Variants in ARHGAP15 observed in about 807,000 individuals in gnomAD.
The protein encoded by ARHGAP15 is rho GTPase-activating protein 15.
In ARHGAP15, 51 loss-of-function variants were observed where a neutral mutation model predicts 63.7. The observed-to-expected ratio is 0.80, with a 90% CI of 0.64 to 1.01. ARHGAP15 has a LOEUF of 1.01. Ranked by LOEUF, ARHGAP15 falls within the 50% of genes least tolerant of loss-of-function variation. The pLI is 0.00. For missense variants in ARHGAP15, 560 were observed against 564.6 expected, an observed-to-expected ratio of 0.99 and a Z score of 0.08; for synonymous variants, 191 against 193.8, an observed-to-expected ratio of 0.99 and a Z score of 0.12.
At chr2:143,767,959 G>A (rs930740335) in intron 13 of ARHGAP15, 30 bp from the exon 14 acceptor site, 1 of 1,597,896 alleles carries the variant, frequency 6.3e-7, no homozygotes, top group African/African-American at 1.4e-5. Context: ...AAACTCCAGT[G>A]AAATTATTTT....
At chr2:143,206,197 T>G (rs16858839) in intron 3 of ARHGAP15, among the ~76,000 whole-genome samples, 1,721 of 152,216 alleles carry the variant, frequency 0.011, 30 homozygotes, top group African/African-American at 0.039. Context: ...ATTTCATAGG[T>G]AATAGACTTG....
chr2:143,522,495 C>T (rs566321875), intron 10 of ARHGAP15, among the ~76,000 whole-genome samples: 145 of 152,154 alleles, frequency 9.5e-4, no homozygotes, highest in South Asian at 4.1e-4. Flanking sequence ...TATTAAAACA[C>T]GGTTCTGCTA....
At chr2:143,632,402 G>T (rs777201261) in intron 12 of ARHGAP15, among the ~76,000 whole-genome samples, 1 of 151,776 alleles carries the variant, frequency 6.6e-6, no homozygotes, top group East Asian at 1.9e-4. Flanking sequence ...TAGGCAAGTC[G>T]GTGCTAAATT....
chr2:143,486,756 G>C (rs1040721100), intron 8 of ARHGAP15, among the ~76,000 whole-genome samples: 7 of 152,144 alleles, frequency 4.6e-5, no homozygotes, highest in Middle Eastern at 3.2e-3. Context: ...AGATAAATCT[G>C]AGAATAGGAA....
At chr2:143,248,612 C>G (rs1196930712) in intron 5 of ARHGAP15, among the ~76,000 whole-genome samples, 1 of 152,114 alleles carries the variant, frequency 6.6e-6, no homozygotes, top group Non-Finnish European at 1.5e-5. Context: ...GATGATAATA[C>G]CTACCTCATA....
intron 6 of ARHGAP15, among the ~76,000 whole-genome samples, chr2:143,263,294 T>A (rs889247247): frequency 2.0e-5 from 3 of 152,136 alleles, no homozygotes; most frequent in Admixed American, 6.6e-5. Context: ...CTTAAAGATC[T>A]GGAATGGTAG....
intron 6 of ARHGAP15, among the ~76,000 whole-genome samples, chr2:143,283,001 C>T (rs768541386): frequency 2.0e-5 from 3 of 152,056 alleles, no homozygotes; most frequent in South Asian, 2.1e-4. Context: ...CATTGTTTTC[C>T]GTGAAAGCTA....
intron 3 of ARHGAP15, among the ~76,000 whole-genome samples, chr2:143,205,255 TAAAAAAA>T (rs71301732): frequency 1.2e-5 from 1 of 85,462 alleles, no homozygotes. Context: ...CAGAGAGAGA[TAAAAAAA>T]AAAAAAAAAA....
At chr2:143,674,706 T>G (rs12474782) in intron 12 of ARHGAP15, among the ~76,000 whole-genome samples, 1 of 152,230 alleles carries the variant, frequency 6.6e-6, no homozygotes, top group African/African-American at 2.4e-5. Context: ...TACTATACTG[T>G]AGTCCATTAA....
At chr2:143,472,069 G>A (rs1691603207) in intron 8 of ARHGAP15, 1 of 152,038 alleles carries the variant, frequency 6.6e-6, no homozygotes, top group Non-Finnish European at 1.5e-5. Flanking sequence ...TGTAAAAGAT[G>A]TTTCAGCTGT....
At chr2:143,586,289 T>C (rs1697104935) in intron 11 of ARHGAP15, among the ~76,000 whole-genome samples, 1 of 152,172 alleles carries the variant, frequency 6.6e-6, no homozygotes, top group African/African-American at 2.4e-5. Context: ...TGTGTCACTT[T>C]AGTAAGGAAA....
chr2:143,297,395 A>G (rs1377400287), intron 6 of ARHGAP15, among the ~76,000 whole-genome samples: 2 of 152,028 alleles, frequency 1.3e-5, no homozygotes, highest in African/African-American at 2.4e-5. Context: ...ACCTTCCTGT[A>G]GCAGCCCACA....
At chr2:143,575,664 CTCT>C (rs1204397553) in intron 11 of ARHGAP15, among the ~76,000 whole-genome samples, 5 of 152,228 alleles carry the variant, frequency 3.3e-5, no homozygotes, top group African/African-American at 1.2e-4. Context: ...GGGCACATTA[CTCT>C]TCTTAGCGAC....
At chr2:143,207,495 AACACACACAC>A (rs70982851) in intron 3 of ARHGAP15, among the ~76,000 whole-genome samples, 7 of 145,858 alleles carry the variant, frequency 4.8e-5, no homozygotes, top group African/African-American at 1.5e-4. Flanking sequence ...CACACACATA[AACACACACAC>A]ACACACACAC....
In ARHGAP15 at chr2:143,636,893, G is replaced by A. The variant is rs1680344466; in HGVS notation, c.1138+12626G>A. On this transcript the variant is annotated intron_variant, in intron 12 of 13. Transcript: ENST00000295095. ...TTATTTCTCACAGTTCTGGAGCCTG[G>A]AAGTCCAAGATGAGGGCACCAGCAT... 3.3e-5 allele frequency among the ~76,000 whole-genome samples: 5 copies of A among 152,104 alleles called. No homozygotes were observed. In the South Asian group the frequency reaches 1.0e-3, roughly 32 times the overall value.
intron 2 of ARHGAP15, among the ~76,000 whole-genome samples, chr2:143,198,185 C>A (rs1691959707): frequency 1.3e-5 from 2 of 151,996 alleles, no homozygotes; most frequent in South Asian, 4.1e-4. Flanking sequence ...ATTAAACATG[C>A]TAATAAATGA....
intron 6 of ARHGAP15, among the ~76,000 whole-genome samples, chr2:143,312,033 T>A (rs1683472076): frequency 6.6e-6 from 1 of 152,044 alleles, no homozygotes; most frequent in Non-Finnish European, 1.5e-5. Flanking sequence ...GAGTTAAGGG[T>A]ATAATGTATT....
intron 13 of ARHGAP15, among the ~76,000 whole-genome samples, chr2:143,712,518 G>A (rs10164854): frequency 0.034 from 5,206 of 152,226 alleles, 306 homozygotes; most frequent in African/African-American, 0.12. Flanking sequence ...CCAAGGGACC[G>A]TGTGAACCCA....
intron 3 of ARHGAP15, among the ~76,000 whole-genome samples, chr2:143,214,058 A>C (rs570378804): frequency 3.3e-5 from 5 of 152,256 alleles, no homozygotes; most frequent in African/African-American, 1.2e-4. Flanking sequence ...TTCCTTTCAC[A>C]TTTCCTATCT....
Sources: gnomAD v4.1 joint callset for allele counts (sites outside exome capture counted in the v4.1 genomes callset) on GRCh38, gnomAD v4.1.1 for gene constraint, MANE v1.5 for transcripts, NCBI Gene and HGNC (gene_info 2026-07-23, HGNC 2026-07-21) for gene names.